Variants in ETFA observed in about 807,000 individuals in gnomAD.
ETFA encodes electron transfer flavoprotein subunit alpha, also known as electron transfer flavoprotein subunit alpha, mitochondrial.
In ETFA, 22 loss-of-function variants were observed where a neutral mutation model predicts 46.2. The observed-to-expected ratio is 0.48, with a 90% CI of 0.34 to 0.68. The LOEUF is 0.68. Among genes scored for constraint, ETFA ranks in the 30% least tolerant of loss-of-function variants. The pLI, the probability that ETFA is intolerant of heterozygous loss-of-function variation, is 0.01. For synonymous variants in ETFA, 131 were observed against 139.9 expected, an observed-to-expected ratio of 0.94 and a Z score of 0.45; for missense variants, 345 against 401.1, an observed-to-expected ratio of 0.86 and a Z score of 1.19.
rs904769011 is a variant in ETFA, at chr15:76,259,366, T to C, written c.816+15046A>G. 64 of 1,582,362 alleles carry C rather than the reference T, an allele frequency of 4.0e-5. 1 individual carries two copies. The highest frequency in any genetic ancestry group is 1.8e-4 in the Admixed American group (11 of 59,952). On this transcript the variant is annotated intron_variant, in intron 9 of 11. Transcript: ENST00000557943. The stretch of plus-strand genomic sequence containing the variant: ...GGGTCAGCACTCCAGCACTGGTACA[T>C]GAGATCATACAAAAGGTCGTCTGAA...
At chr15:76,239,180 G>A (rs928982877) in intron 9 of ETFA, among the ~76,000 whole-genome samples, 2 of 152,122 alleles carry the variant, frequency 1.3e-5, no homozygotes, top group Non-Finnish European at 2.9e-5. Flanking sequence ...AGAAAGCAGA[G>A]TCTCAGGCAG....
At chr15:76,311,269 C>CA (rs773208167) in intron 1 of ETFA, 81 bp downstream of exon 1, 1 of 1,478,854 alleles carries the variant, frequency 6.8e-7, no homozygotes, top group Non-Finnish European at 9.2e-7. Flanking sequence ...CTGAGGGGGC[C>CA]AGTGATCTTT....
At chr15:76,269,154 C>T (rs1183426176) in intron 9 of ETFA, among the ~76,000 whole-genome samples, 1 of 152,112 alleles carries the variant, frequency 6.6e-6, no homozygotes, top group Non-Finnish European at 1.5e-5. Flanking sequence ...ATGCGGAAGC[C>T]ACCGCTGGAG....
At chr15:76,251,885 G>A (rs1157474365) in intron 9 of ETFA, among the ~76,000 whole-genome samples, 3 of 152,114 alleles carry the variant, frequency 2.0e-5, no homozygotes, top group Admixed American at 6.5e-5. Context: ...TATTAAAAAC[G>A]CAGTCCTATG....
At chr15:76,260,018 C>A in intron 9 of ETFA, 1 of 1,482,046 alleles carries the variant, frequency 6.7e-7, no homozygotes. Context: ...CTGAGGAACT[C>A]TTCAATGTCA....
At chr15:76,227,141 T>G (rs1177875548) in intron 10 of ETFA, among the ~76,000 whole-genome samples, 1 of 152,174 alleles carries the variant, frequency 6.6e-6, no homozygotes, top group Non-Finnish European at 1.5e-5. Flanking sequence ...CTCATACCTA[T>G]AATCCCAGCA....
chr15:76,217,253 C>G (rs1462516629), intron 11 of ETFA, among the ~76,000 whole-genome samples: 1 of 152,196 alleles, frequency 6.6e-6, no homozygotes, highest in East Asian at 1.9e-4. Context: ...CCACCCTTAA[C>G]TGCATTCCTG....
intron 9 of ETFA, among the ~76,000 whole-genome samples, chr15:76,250,077 AACT>A (rs1404260748): frequency 5.3e-5 from 8 of 152,228 alleles, no homozygotes; most frequent in African/African-American, 1.9e-4. Flanking sequence ...AAGAAATTAT[AACT>A]ACTTAAATAA....
At chr15:76,221,125 C>A (rs2038952613) in intron 11 of ETFA, among the ~76,000 whole-genome samples, 1 of 152,198 alleles carries the variant, frequency 6.6e-6, no homozygotes. Context: ...CATACCCCTA[C>A]AATGGATATT....
At chr15:76,256,767 C>A (rs1458303593) in intron 9 of ETFA, among the ~76,000 whole-genome samples, 1 of 152,170 alleles carries the variant, frequency 6.6e-6, no homozygotes, top group Non-Finnish European at 1.5e-5. Flanking sequence ...CTGAAAAATT[C>A]CTATCACCTC....
chr15:76,260,660 G>T (rs2039400563), intron 9 of ETFA: 3 of 1,568,582 alleles, frequency 1.9e-6, no homozygotes, highest in African/African-American at 2.7e-5. Context: ...CTTCCAAAGG[G>T]CCCTCGGGGA....
intron 11 of ETFA, among the ~76,000 whole-genome samples, chr15:76,221,900 T>G (rs537570988): frequency 6.6e-6 from 1 of 152,328 alleles, no homozygotes; most frequent in African/African-American, 2.4e-5. Context: ...GAATAAAATG[T>G]TATGCATATT....
At chr15:76,289,267 A>G (rs551228700) in intron 4 of ETFA, among the ~76,000 whole-genome samples, 1 of 152,190 alleles carries the variant, frequency 6.6e-6, no homozygotes, top group Non-Finnish European at 1.5e-5. Context: ...TAAAAACCAG[A>G]TTTGTCAGTA....
At chr15:76,307,636 ACCATGGCG>A (rs973482721) in intron 1 of ETFA, among the ~76,000 whole-genome samples, 2 of 151,642 alleles carry the variant, frequency 1.3e-5, no homozygotes, top group Non-Finnish European at 2.9e-5. Flanking sequence ...ACAGGTGTGA[ACCATGGCG>A]CCTGGCTAAT....
chr15:76,261,471 C>T (rs1326614906), intron 9 of ETFA: 3 of 908,622 alleles, frequency 3.3e-6, no homozygotes, highest in Non-Finnish European at 3.5e-6. Flanking sequence ...CCTTCACCCA[C>T]TGGATGTCAG....
At chr15:76,309,150 T>C (rs1450093517) in intron 1 of ETFA, among the ~76,000 whole-genome samples, 1 of 152,222 alleles carries the variant, frequency 6.6e-6, no homozygotes, top group Admixed American at 6.5e-5. Flanking sequence ...TCTTAATGAC[T>C]TTAAAACAGC....
At chr15:76,253,629 C>T (rs896783610) in intron 9 of ETFA, among the ~76,000 whole-genome samples, 2 of 152,090 alleles carry the variant, frequency 1.3e-5, no homozygotes, top group Admixed American at 6.5e-5. Flanking sequence ...GAAAATACTG[C>T]GTTCAGCTTT....
chr15:76,237,116 G>A (rs951275924), intron 9 of ETFA, among the ~76,000 whole-genome samples: 7 of 152,148 alleles, frequency 4.6e-5, no homozygotes, highest in Admixed American at 3.3e-4. Context: ...GCAGTGGCAC[G>A]ATCTTGGCTC....
rs539304684 is a variant in ETFA at position 76,307,445 on chromosome 15, T to C, written c.39+3905A>G. On this transcript the variant is annotated intron_variant, in intron 1 of 11. Transcript: ENST00000557943. ...TCATTGAACTTATATCCTAATAGTT[T>C]AACAAAGTGGTTTAAAAGAATACAT... 9.9e-5 allele frequency among the ~76,000 whole-genome samples: 15 copies of C among 151,896 alleles called. 1 individual carries two copies. The East Asian group carries it at 2.3e-3, about 23-fold the overall frequency.
Sources: gnomAD v4.1 joint callset for allele counts (sites outside exome capture counted in the v4.1 genomes callset) on GRCh38, gnomAD v4.1.1 for gene constraint, MANE v1.5 for transcripts, NCBI Gene and HGNC (gene_info 2026-07-23, HGNC 2026-07-21) for gene names.